TNFRSF21: variants seen among roughly 807,000 people sequenced by gnomAD.
The protein encoded by TNFRSF21 is tumor necrosis factor receptor superfamily member 21.
A neutral mutation model predicts 45.6 loss-of-function variants in TNFRSF21; 19 were observed. That is an observed-to-expected ratio of 0.42 (90% CI 0.29 to 0.61). TNFRSF21 has a LOEUF of 0.61. Ranked by LOEUF, TNFRSF21 falls within the 20% of genes least tolerant of loss-of-function variation. The probability of loss-of-function intolerance (pLI) is 0.23; values close to 1 mark genes in which losing one functional copy is unlikely to be tolerated. For synonymous variants in TNFRSF21, 314 were observed against 335.5 expected (o/e 0.94, Z 0.70); for missense variants, 737 against 851.5 (o/e 0.87, Z 1.67).
In TNFRSF21 at chr6:47,232,624, AACACACACACACACACACACAC is replaced by A. The variant is rs34093099; in HGVS notation, c.*119_*140del. On this transcript the variant is annotated 3_prime_UTR_variant, in exon 6 of 6. Transcript: ENST00000296861. The stretch of plus-strand genomic sequence containing the variant: ...CAAGCACTGGCCATATTCTCTGTTA[AACACACACACACACACACACAC>A]ACACACACACACAAACACACACACA... 3 of 563,206 alleles carry A rather than the reference AACACACACACACACACACACAC, an allele frequency of 5.3e-6. No individual in the cohort carries two copies. The highest frequency in any genetic ancestry group is 9.3e-6 in the Non-Finnish European group (3 of 322,484). 34.9% of individuals were successfully genotyped at this position (563,206 alleles called of 1,614,324 possible).
rs1239413569 is a variant in TNFRSF21, at chr6:47,252,887, A to G, written c.1509+369T>C. Among the ~76,000 whole-genome samples, 4 of 152,206 alleles carry G rather than the reference A, an allele frequency of 2.6e-5. No homozygotes were observed. In the East Asian group the frequency reaches 7.7e-4, roughly 29 times the overall value. On this transcript the variant is annotated intron_variant, in intron 4 of 5. Coordinates refer to ENST00000296861, the MANE Select transcript of TNFRSF21 (RefSeq NM_014452.5). ...CTGGAGGAGAGGCGGTGTAGTAAAA[A>G]GTATTTTTTCTTGGTTTTGTTCAAA...
Position 47,245,439 on chromosome 6 carries a change from T to C in TNFRSF21, c.1509+7817A>G, listed in dbSNP as rs956087386. Among the ~76,000 whole-genome samples, 108 of 142,728 alleles carry C rather than the reference T, an allele frequency of 7.6e-4. No homozygotes were observed. The South Asian group carries it at 0.022, about 29-fold the overall frequency. The allele number at this position is 142,728 out of a possible 152,430, so 93.6% of individuals were successfully genotyped here. A position where few individuals can be genotyped will look rare whatever the true frequency, so the allele number is the denominator to read the frequency against. On this transcript the variant is annotated intron_variant, in intron 4 of 5. Coordinates refer to ENST00000296861, the MANE Select transcript of TNFRSF21 (RefSeq NM_014452.5). ...AATACTAAGAAGAAGTGTGTGTGTG[T>C]GTGTGTGTGTGTGTGTGTTTGTGTG... is the stretch of plus-strand genomic sequence containing the variant.
chr6:47,264,215 T>G (rs1762293085), intron 3 of TNFRSF21, among the ~76,000 whole-genome samples: 1 of 152,014 alleles, frequency 6.6e-6, no homozygotes, highest in Admixed American at 6.6e-5. Context: ...AAACATGGAG[T>G]GAAATATACA....
chr6:47,274,248 T>G (rs1027141279), intron 3 of TNFRSF21, among the ~76,000 whole-genome samples: 55 of 152,302 alleles, frequency 3.6e-4, no homozygotes, highest in African/African-American at 1.3e-3. Flanking sequence ...ACTACAAGGC[T>G]ATAGTAACCA....
intron 3 of TNFRSF21, among the ~76,000 whole-genome samples, chr6:47,279,962 C>T (rs1261306630): frequency 3.3e-5 from 5 of 152,208 alleles, no homozygotes; most frequent in Admixed American, 1.3e-4. Flanking sequence ...GAGGCCTCCT[C>T]TTATGTTTCC....
rs185919288 is a variant in TNFRSF21 at position 47,294,224 on chromosome 6, A to G, written c.97-7629T>C. ...AGTGGTATGATCTCAGCTCACTGCA[A>G]CCTCCGCCTCCTGGGTTCAAGCAAT... On this transcript the variant is annotated intron_variant, in intron 1 of 5. Transcript: ENST00000296861. Among the ~76,000 whole-genome samples the G allele has an allele frequency of 5.7e-3, 870 of 151,846 alleles. 11 individuals carry two copies. The highest frequency in any genetic ancestry group is 7.8e-3 in the Admixed American group (119 of 15,234).
chr6:47,285,292 G>C (rs887072058), intron 2 of TNFRSF21, among the ~76,000 whole-genome samples: 1 of 152,152 alleles, frequency 6.6e-6, no homozygotes, highest in East Asian at 1.9e-4. Flanking sequence ...TTTATATTCT[G>C]CTTGAGGTTC....
At chr6:47,274,437 T>C (rs911887923) in intron 3 of TNFRSF21, among the ~76,000 whole-genome samples, 1 of 152,214 alleles carries the variant, frequency 6.6e-6, no homozygotes, top group African/African-American at 2.4e-5. Context: ...GCTAGCCACA[T>C]GTAGAAAGCT....
chr6:47,261,958 C>G (rs1388225675), intron 3 of TNFRSF21, among the ~76,000 whole-genome samples: 1 of 152,216 alleles, frequency 6.6e-6, no homozygotes, highest in African/African-American at 2.4e-5. Flanking sequence ...GTGCTAGGAA[C>G]TTTGTATGCC....
intron 4 of TNFRSF21, among the ~76,000 whole-genome samples, chr6:47,247,962 A>G (rs1764847473): frequency 6.6e-6 from 1 of 152,204 alleles, no homozygotes; most frequent in Non-Finnish European, 1.5e-5. Flanking sequence ...GCTTAATCTT[A>G]TGGAAGGAGA....
intron 3 of TNFRSF21, among the ~76,000 whole-genome samples, chr6:47,271,371 A>G (rs892314069): frequency 1.3e-5 from 2 of 152,212 alleles, no homozygotes; most frequent in African/African-American, 4.8e-5. Flanking sequence ...AACATTCTTA[A>G]AGAAAATAAT....
At chr6:47,269,776 G>A (rs138360596) in intron 3 of TNFRSF21, among the ~76,000 whole-genome samples, 134 of 152,268 alleles carry the variant, frequency 8.8e-4, no homozygotes, top group Admixed American at 2.0e-3. Context: ...CATTTTTAAA[G>A]GAAGAAATTT....
At position 47,250,700 on chromosome 6, in the gene TNFRSF21, G is replaced by A. The variant is rs187687399; in HGVS notation, c.1509+2556C>T. Among the ~76,000 whole-genome samples the A allele has an allele frequency of 3.6e-3, 546 of 152,376 alleles. 3 individuals carry two copies. The highest frequency in any genetic ancestry group is 0.022 in the South Asian group (104 of 4,830). ...CCAGCAGTACCACCATACACAGGGA[G>A]TACAAGCCCATCACAGGATGAGAAT... is the stretch of plus-strand genomic sequence containing the variant. On this transcript the variant is annotated intron_variant, in intron 4 of 5. Coordinates refer to ENST00000296861, the MANE Select transcript of TNFRSF21 (RefSeq NM_014452.5).
Position 47,285,800 on chromosome 6 carries a change from T to C in TNFRSF21, c.748+144A>G, listed in dbSNP as rs1215013500. ...TTAAGTCCAAAAAAGCCAGATTTAATTAGCCACCATATGAAGGCCTCTCTC... is the reference window on the plus strand; with the variant it reads ...TTAAGTCCAAAAAAGCCAGATTTAACTAGCCACCATATGAAGGCCTCTCTC... On this transcript the variant is annotated intron_variant, in intron 2 of 5. Transcript: ENST00000296861. The C allele has an allele frequency of 1.6e-5, 14 of 899,706 alleles. No homozygotes were observed. The South Asian group carries it at 2.5e-4, about 16-fold the overall frequency. 55.7% of individuals were successfully genotyped at this position (899,706 alleles called of 1,614,324 possible).
Position 47,284,333 on chromosome 6 carries a change from C to T in TNFRSF21, c.848G>A (p.Arg283Lys), listed in dbSNP as rs759868087. 1 of 1,591,764 alleles carries T rather than the reference C, an allele frequency of 6.3e-7. No individual in the cohort carries two copies. The highest frequency in any genetic ancestry group is 8.5e-7 in the Non-Finnish European group (1 of 1,169,880). ...GTVPDNTSSA[R>K]GKEDVNKTLP... ...GGTCTTGTTCACGTCTTCCTTCCCCCTTGCTGAGCTTGTGTTGTCAGGGAC... is the reference window on the plus strand; with the variant it reads ...GGTCTTGTTCACGTCTTCCTTCCCCTTTGCTGAGCTTGTGTTGTCAGGGAC... The change falls in exon 3 of 6, where the codon AGG becomes AAG. Residue 283 changes from arginine (R) to lysine (K), a missense_variant. Coordinates refer to ENST00000296861, the MANE Select transcript of TNFRSF21 (RefSeq NM_014452.5).
chr6:47,294,292 C>T (rs1179973010), intron 1 of TNFRSF21, among the ~76,000 whole-genome samples: 9 of 152,206 alleles, frequency 5.9e-5, no homozygotes, highest in South Asian at 4.1e-4. Context: ...TACAGGGGCA[C>T]GCCACCATGC....
At chr6:47,256,488 A>C (rs1265670521) in intron 3 of TNFRSF21, among the ~76,000 whole-genome samples, 1 of 152,178 alleles carries the variant, frequency 6.6e-6, no homozygotes, top group Non-Finnish European at 1.5e-5. Context: ...ACACAACTGC[A>C]CTCCAGCCTG....
At chr6:47,234,992 A>G (rs1296701088) in intron 4 of TNFRSF21, 94 bp from the exon 5 acceptor site, 3 of 664,356 alleles carry the variant, frequency 4.5e-6, no homozygotes, top group Non-Finnish European at 6.8e-6. Context: ...GTTCCATTTA[A>G]CATTTTATAT....
At chr6:47,297,359 C>T (rs538312877) in intron 1 of TNFRSF21, among the ~76,000 whole-genome samples, 66 of 152,276 alleles carry the variant, frequency 4.3e-4, no homozygotes, top group South Asian at 6.2e-4. Context: ...GCAGGCAAAA[C>T]GTGTCTGACA....
Sources: allele counts gnomAD v4.1 joint callset (sites outside exome capture counted in the v4.1 genomes callset), GRCh38; gene constraint gnomAD v4.1.1; transcripts MANE v1.5; gene names NCBI Gene and HGNC (gene_info 2026-07-23, HGNC 2026-07-21).